TSHR: variants seen among roughly 807,000 people sequenced by gnomAD.
TSHR encodes thyroid stimulating hormone receptor.
A neutral mutation model predicts 64.1 loss-of-function variants in TSHR; 51 were observed. The ratio of observed to expected loss-of-function variants is 0.80; its 90% confidence interval spans 0.64 to 1.01. The LOEUF (loss-of-function observed/expected upper bound fraction) is 1.01. TSHR is among the 50% of genes least tolerant of loss of function. TSHR has a pLI of 0.00. For missense variants in TSHR, 877 were observed against 942.8 expected (o/e 0.93, Z 0.91); for synonymous variants, 361 against 361.9 (o/e 1.00, Z 0.03).
At chr14:81,074,787 T>C (rs907999139) in intron 3 of TSHR, among the ~76,000 whole-genome samples, 3 of 152,230 alleles carry the variant, frequency 2.0e-5, no homozygotes, top group East Asian at 1.9e-4. Flanking sequence ...GTTTTCTTTC[T>C]AAGCTGCCCT....
intron 1 of TSHR, among the ~76,000 whole-genome samples, chr14:81,005,717 G>A (rs1167411525): frequency 6.6e-6 from 1 of 152,168 alleles, no homozygotes; most frequent in Non-Finnish European, 1.5e-5. Flanking sequence ...TGACTAATGT[G>A]TTCTTGGAAC....
At chr14:81,005,065 C>T (rs1039578902) in intron 1 of TSHR, among the ~76,000 whole-genome samples, 4 of 152,174 alleles carry the variant, frequency 2.6e-5, no homozygotes, top group African/African-American at 9.7e-5. Context: ...AGTTTGAAAA[C>T]ATCTCTGGAG....
At chr14:81,089,564 T>A (rs917124522) in intron 4 of TSHR, among the ~76,000 whole-genome samples, 22 of 152,136 alleles carry the variant, frequency 1.4e-4, no homozygotes, top group Non-Finnish European at 3.1e-4. Flanking sequence ...GTGCCTCTCC[T>A]ACAGAAGAAT....
chr14:81,080,551 C>T (rs1213781742), intron 3 of TSHR, among the ~76,000 whole-genome samples: 1 of 151,820 alleles, frequency 6.6e-6, no homozygotes, highest in Non-Finnish European at 1.5e-5. Flanking sequence ...AATCTGAATA[C>T]TTATAAACTC....
intron 7 of TSHR, chr14:81,104,317 G>C (rs1889759821): frequency 2.0e-6 from 2 of 985,276 alleles, no homozygotes. Context: ...CCCCACAGAA[G>C]TGTTCCCATG....
At chr14:81,118,857 C>T (rs1287455700) in intron 8 of TSHR, among the ~76,000 whole-genome samples, 2 of 150,252 alleles carry the variant, frequency 1.3e-5, no homozygotes, top group African/African-American at 5.0e-5. Context: ...AGAACAGAGC[C>T]CTCAGAAATA....
chr14:81,112,885 C>T (rs183356629), intron 8 of TSHR, among the ~76,000 whole-genome samples: 1 of 151,958 alleles, frequency 6.6e-6, no homozygotes, highest in Admixed American at 6.5e-5. Flanking sequence ...GCCGCTCAAA[C>T]AGAGTAAAGT....
intron 1 of TSHR, among the ~76,000 whole-genome samples, chr14:81,042,756 A>T (rs1884983309): frequency 6.6e-6 from 1 of 152,140 alleles, no homozygotes; most frequent in African/African-American, 2.4e-5. Context: ...ACGACATTGC[A>T]TTGTATATTT....
intron 1 of TSHR, among the ~76,000 whole-genome samples, chr14:81,029,726 A>AT (rs1167366799): frequency 1.3e-5 from 2 of 152,140 alleles, no homozygotes; most frequent in Admixed American, 6.6e-5. Flanking sequence ...AGCATTTGAC[A>AT]TTTTTTCTAA....
chr14:80,984,249 T>C (rs1888325530), intron 1 of TSHR, among the ~76,000 whole-genome samples: 1 of 152,226 alleles, frequency 6.6e-6, no homozygotes, highest in Non-Finnish European at 1.5e-5. Context: ...ACAAATGCAT[T>C]ATTTGTTCAA....
At chr14:81,137,687 A>G (rs1190635894) in intron 8 of TSHR, among the ~76,000 whole-genome samples, 1 of 152,226 alleles carries the variant, frequency 6.6e-6, no homozygotes, top group Non-Finnish European at 1.5e-5. Flanking sequence ...CTATGCTCAT[A>G]ATAAAAAGAT....
intron 1 of TSHR, among the ~76,000 whole-genome samples, chr14:81,018,692 C>T (rs1417327745): frequency 3.9e-5 from 6 of 152,156 alleles, no homozygotes; most frequent in African/African-American, 9.7e-5. Context: ...AACACTCCTC[C>T]TCCTTTGATG....
chr14:81,016,676 C>G (rs79419875), intron 1 of TSHR, among the ~76,000 whole-genome samples: 8,563 of 152,150 alleles, frequency 0.056, 766 homozygotes, highest in African/African-American at 0.2. Context: ...GGGGTCATAT[C>G]TAAAATATCA....
chr14:80,994,661 A>C lies in TSHR; in HGVS notation c.170+38811A>C, dbSNP rs557539277. On this transcript the variant is annotated intron_variant, in intron 1 of 9. Coordinates refer to ENST00000298171, the MANE Select transcript of TSHR (RefSeq NM_000369.5). ...TCCCTGTTCAATAAATGGTGCTGAG[A>C]TATCTGGCTAGCCATATGCAGAAGA... is the stretch of plus-strand genomic sequence containing the variant. 14 of 152,354 alleles carry C rather than the reference A, an allele frequency of 9.2e-5. No individual in the cohort carries two copies. The South Asian group carries it at 1.7e-3, about 18-fold the overall frequency. 9.4% of individuals were successfully genotyped at this position (152,354 alleles called of 1,614,324 possible). A position where few individuals can be genotyped will look rare whatever the true frequency, so the allele number is the denominator to read the frequency against.
chr14:81,074,942 C>T (rs1887387198), intron 3 of TSHR, among the ~76,000 whole-genome samples: 1 of 152,160 alleles, frequency 6.6e-6, no homozygotes, highest in African/African-American at 2.4e-5. Context: ...CTTCCCAATT[C>T]ATGTTTAGAT....
At chr14:80,958,814 C>T (rs1369700588) in intron 1 of TSHR, among the ~76,000 whole-genome samples, 1 of 152,078 alleles carries the variant, frequency 6.6e-6, no homozygotes, top group Non-Finnish European at 1.5e-5. Flanking sequence ...GAGGCATGTT[C>T]TCTCACAAGT....
chr14:81,017,612 G>A (rs901057706), intron 1 of TSHR, among the ~76,000 whole-genome samples: 3 of 152,154 alleles, frequency 2.0e-5, no homozygotes, highest in Admixed American at 6.6e-5. Flanking sequence ...AGAACACTGG[G>A]AATGGGGTCT....
intron 3 of TSHR, among the ~76,000 whole-genome samples, chr14:81,076,708 C>T (rs183077567): frequency 2.0e-5 from 3 of 152,288 alleles, no homozygotes; most frequent in Admixed American, 2.0e-4. Context: ...TATCCTCTTC[C>T]TCTCCACTGC....
At chr14:81,122,323 G>A (rs542057880) in intron 8 of TSHR, among the ~76,000 whole-genome samples, 145 of 151,924 alleles carry the variant, frequency 9.5e-4, no homozygotes, top group African/African-American at 3.4e-3. Flanking sequence ...GATTATAGGT[G>A]TGAGCCACCG....
Sources: allele counts gnomAD v4.1 joint callset (sites outside exome capture counted in the v4.1 genomes callset), GRCh38; gene constraint gnomAD v4.1.1; transcripts MANE v1.5; gene names NCBI Gene and HGNC (gene_info 2026-07-23, HGNC 2026-07-21).